SPIRE1: variants seen among roughly 807,000 people sequenced by gnomAD.
The protein encoded by SPIRE1 is protein spire homolog 1.
SPIRE1 carries 40 observed loss-of-function variants against 94.1 expected under a neutral mutation model. The ratio of observed to expected loss-of-function variants is 0.43; its 90% confidence interval spans 0.33 to 0.55. SPIRE1 has a LOEUF of 0.55. Among genes scored for constraint, SPIRE1 ranks in the 20% least tolerant of loss-of-function variants. The probability of loss-of-function intolerance (pLI) is 0.06; values close to 1 mark genes in which losing one functional copy is unlikely to be tolerated. For missense variants in SPIRE1, 838 were observed against 975.2 expected, an observed-to-expected ratio of 0.86 and a Z score of 1.87; for synonymous variants, 376 against 371.7, an observed-to-expected ratio of 1.01 and a Z score of -0.13.
chr18:12,581,290 A>G (rs902210880), intron 2 of SPIRE1, among the ~76,000 whole-genome samples: 7 of 152,196 alleles, frequency 4.6e-5, no homozygotes, highest in African/African-American at 1.4e-4. Context: ...CTTATTCAAA[A>G]TATTATTACT....
intron 5 of SPIRE1, among the ~76,000 whole-genome samples, chr18:12,510,926 C>G (rs2034014722): frequency 1.3e-5 from 2 of 152,180 alleles, no homozygotes; most frequent in African/African-American, 4.8e-5. Flanking sequence ...TTTTATATGA[C>G]AGCAGGGATT....
chr18:12,649,647 A>G (rs2038322032), intron 1 of SPIRE1, among the ~76,000 whole-genome samples: 1 of 152,218 alleles, frequency 6.6e-6, no homozygotes, highest in Admixed American at 6.5e-5. Context: ...ATATATAACA[A>G]GCAGAGTGCA....
At chr18:12,503,333 C>G (rs112630220) in intron 6 of SPIRE1, among the ~76,000 whole-genome samples, 1 of 152,116 alleles carries the variant, frequency 6.6e-6, no homozygotes, top group Admixed American at 6.6e-5. Context: ...AGCGCGCATC[C>G]GACCTCTCTG....
At chr18:12,509,627 A>G (rs1370347794) in intron 5 of SPIRE1, among the ~76,000 whole-genome samples, 8 of 152,218 alleles carry the variant, frequency 5.3e-5, no homozygotes, top group Non-Finnish European at 8.8e-5. Context: ...ATAAATTAAG[A>G]ATATTGCAAA....
intron 1 of SPIRE1, among the ~76,000 whole-genome samples, chr18:12,648,908 A>AG (rs1290432926): frequency 3.4e-4 from 51 of 151,510 alleles, no homozygotes; most frequent in Non-Finnish European, 5.7e-4. Flanking sequence ...AAAAAAAAAA[A>AG]AAAGAAAAAG....
intron 3 of SPIRE1, among the ~76,000 whole-genome samples, chr18:12,536,276 C>T (rs148995719): frequency 3.9e-5 from 6 of 152,254 alleles, no homozygotes; most frequent in Admixed American, 6.5e-5. Flanking sequence ...ATTATCATGC[C>T]AGCTACAATA....
intron 2 of SPIRE1, among the ~76,000 whole-genome samples, chr18:12,617,223 G>A (rs34072260): frequency 0.36 from 52,123 of 145,266 alleles, 10,429 homozygotes; most frequent in East Asian, 0.59. Context: ...GCAGTGGTGC[G>A]ATCTCAGATC....
At chr18:12,539,438 T>C (rs897127378) in intron 3 of SPIRE1, among the ~76,000 whole-genome samples, 2 of 152,140 alleles carry the variant, frequency 1.3e-5, no homozygotes, top group East Asian at 3.9e-4. Context: ...TGTGAGTCCA[T>C]TAAACCTATT....
At chr18:12,514,068 G>A (rs559508800) in intron 4 of SPIRE1, among the ~76,000 whole-genome samples, 6 of 152,176 alleles carry the variant, frequency 3.9e-5, no homozygotes, top group East Asian at 3.9e-4. Flanking sequence ...TGTCGAACTC[G>A]TCAGCTTGCG....
At chr18:12,453,860 C>T (rs2031373059) in intron 13 of SPIRE1, among the ~76,000 whole-genome samples, 1 of 152,104 alleles carries the variant, frequency 6.6e-6, no homozygotes, top group African/African-American at 2.4e-5. Context: ...TCTCAGCTCA[C>T]TGCAACCTCC....
intron 2 of SPIRE1, among the ~76,000 whole-genome samples, chr18:12,548,252 G>A (rs57496201): frequency 0.019 from 2,819 of 152,130 alleles, 99 homozygotes; most frequent in African/African-American, 0.064. Context: ...TTCATTTTCA[G>A]TATTTCATTT....
upstream of SPIRE1, chr18:12,658,482 G>T: frequency 2.2e-6 from 1 of 450,484 alleles, no homozygotes; most frequent in Non-Finnish European, 4.7e-6. Context: ...TATCAGGGAA[G>T]TCCCCGGCCG....
At chr18:12,521,744 T>G (rs145674972) in intron 4 of SPIRE1, among the ~76,000 whole-genome samples, 16 of 152,238 alleles carry the variant, frequency 1.1e-4, no homozygotes, top group African/African-American at 3.6e-4. Flanking sequence ...TTCTGTCACA[T>G]TTTGGTAATT....
intron 10 of SPIRE1, among the ~76,000 whole-genome samples, chr18:12,478,522 CAT>C (rs1434385267): frequency 1.8e-5 from 2 of 111,064 alleles, no homozygotes; most frequent in African/African-American, 3.6e-5. Context: ...TGTGTGTGTG[CAT>C]GTGTGTGTGT....
intron 2 of SPIRE1, among the ~76,000 whole-genome samples, chr18:12,569,486 C>T (rs992681454): frequency 6.6e-6 from 1 of 152,016 alleles, no homozygotes; most frequent in African/African-American, 2.4e-5. Flanking sequence ...CTTCGGACAC[C>T]ATCTTGAATT....
At chr18:12,654,502 C>T (rs926566268) in intron 1 of SPIRE1, among the ~76,000 whole-genome samples, 1 of 149,590 alleles carries the variant, frequency 6.7e-6, no homozygotes, top group Non-Finnish European at 1.5e-5. Context: ...AAAAAATTAG[C>T]CAGGCATGGT....
intron 4 of SPIRE1, among the ~76,000 whole-genome samples, chr18:12,528,368 T>C (rs1009933757): frequency 2.0e-5 from 3 of 152,158 alleles, no homozygotes; most frequent in Admixed American, 6.5e-5. Context: ...GCTCATTGAA[T>C]GAACATAGAG....
intron 10 of SPIRE1, among the ~76,000 whole-genome samples, chr18:12,474,704 C>A (rs2032492261): frequency 6.6e-6 from 1 of 152,036 alleles, no homozygotes; most frequent in Admixed American, 6.6e-5. Context: ...CACCTGTAAT[C>A]CCAGCTACTC....
At chr18:12,596,060 A>T (rs978308451) in intron 2 of SPIRE1, among the ~76,000 whole-genome samples, 1 of 152,358 alleles carries the variant, frequency 6.6e-6, no homozygotes, top group East Asian at 1.9e-4. Context: ...AGACCAAGAG[A>T]CACATTATCA....
Sources: allele counts gnomAD v4.1 joint callset (sites outside exome capture counted in the v4.1 genomes callset), GRCh38; gene constraint gnomAD v4.1.1; transcripts MANE v1.5; gene names NCBI Gene and HGNC (gene_info 2026-07-23, HGNC 2026-07-21).